VSTM4: variants seen among roughly 807,000 people sequenced by gnomAD.
VSTM4 encodes the protein V-set and transmembrane domain containing 4.
A neutral mutation model predicts 36.4 loss-of-function variants in VSTM4; 20 were observed. The observed-to-expected ratio is 0.55, with a 90% confidence interval of 0.39 to 0.80. VSTM4 has a LOEUF of 0.80. VSTM4 is among the 30% of genes least tolerant of loss of function. The pLI is 0.00. For synonymous variants in VSTM4, 182 were observed against 173.9 expected (o/e 1.05, Z -0.37); for missense variants, 392 against 404.5 (o/e 0.97, Z 0.26).
chr10:49,056,446 C>T (rs994274889), intron 5 of VSTM4, among the ~76,000 whole-genome samples: 1 of 152,232 alleles, frequency 6.6e-6, no homozygotes, highest in Non-Finnish European at 1.5e-5. Flanking sequence ...TGGGAGACCC[C>T]ACTCCCTGTT....
Position 49,085,938 on chromosome 10 carries a change from A to T in VSTM4, c.526+17T>A. On this transcript the variant is annotated intron_variant, in intron 3 of 7. Coordinates refer to ENST00000332853, the MANE Select transcript of VSTM4 (RefSeq NM_001031746.5). Reference sequence around the variant, plus strand: ...GCAACTATAGAGCAATAAAAAAAAGAAATATACAAGCTTTACCTTCAAAAA... The same window carrying T: ...GCAACTATAGAGCAATAAAAAAAAGTAATATACAAGCTTTACCTTCAAAAA... The T allele has an allele frequency of 6.6e-7, 1 of 1,522,870 alleles. No homozygotes were observed. Among genetic ancestry groups the T allele is most frequent in the South Asian group, 1.2e-5 (1 of 81,288 alleles). 94.3% of individuals were successfully genotyped at this position (1,522,870 alleles called of 1,614,324 possible).
intron 4 of VSTM4, among the ~76,000 whole-genome samples, chr10:49,067,389 G>A (rs866865265): frequency 1.3e-5 from 2 of 152,200 alleles, no homozygotes; most frequent in South Asian, 2.1e-4. Context: ...GTGATGTTAC[G>A]GGCTGAATTA....
At chr10:49,035,667 C>T (rs1335570441) in intron 7 of VSTM4, among the ~76,000 whole-genome samples, 1 of 5,840 alleles carries the variant, frequency 1.7e-4, no homozygotes. Flanking sequence ...ATCCCAGCTC[C>T]ACAAAAAAAA....
chr10:49,090,777 C>G (rs1844459380), intron 2 of VSTM4, among the ~76,000 whole-genome samples: 1 of 152,220 alleles, frequency 6.6e-6, no homozygotes. Context: ...CAGCAAATAG[C>G]TGGCATGGGG....
chr10:49,088,888 C>T (rs1365802056), intron 2 of VSTM4, among the ~76,000 whole-genome samples: 1 of 152,162 alleles, frequency 6.6e-6, no homozygotes, highest in Admixed American at 6.5e-5. Flanking sequence ...TGGTGTGGAC[C>T]CTTACCACCC....
At chr10:49,035,712 C>G (rs1182120630) in intron 7 of VSTM4, among the ~76,000 whole-genome samples, 2 of 147,728 alleles carry the variant, frequency 1.4e-5, no homozygotes, top group African/African-American at 5.0e-5. Context: ...GTGGCACATG[C>G]CTGTGGTACC....
At chr10:49,111,297 T>C (rs928122819) in intron 1 of VSTM4, among the ~76,000 whole-genome samples, 20 of 152,096 alleles carry the variant, frequency 1.3e-4, no homozygotes, top group Admixed American at 4.6e-4. Flanking sequence ...ATCAGGACCA[T>C]AGGGCTCAGC....
intron 7 of VSTM4, among the ~76,000 whole-genome samples, chr10:49,029,681 C>T (rs1002355696): frequency 6.6e-6 from 1 of 152,180 alleles, no homozygotes; most frequent in Non-Finnish European, 1.5e-5. Context: ...GGGATGCCAA[C>T]AGGGAAAATA....
chr10:49,023,211 T>C (rs1239195449), intron 7 of VSTM4, among the ~76,000 whole-genome samples: 1 of 152,224 alleles, frequency 6.6e-6, no homozygotes, highest in African/African-American at 2.4e-5. Context: ...GTGAAGTGTA[T>C]AGTTTCCAAG....
chr10:49,063,466 G>GT (rs368417281), intron 5 of VSTM4, among the ~76,000 whole-genome samples: 27 of 152,190 alleles, frequency 1.8e-4, no homozygotes, highest in African/African-American at 6.5e-4. Context: ...ATGATGGGTG[G>GT]TTTTTTTATA....
chr10:49,071,048 T>C (rs1808102194), intron 4 of VSTM4, among the ~76,000 whole-genome samples: 1 of 152,164 alleles, frequency 6.6e-6, no homozygotes, highest in South Asian at 2.1e-4. Flanking sequence ...TTCATCCTCA[T>C]GGAGAAGCAG....
chr10:49,076,809 G>A (rs973899965), intron 4 of VSTM4, among the ~76,000 whole-genome samples: 2 of 152,182 alleles, frequency 1.3e-5, no homozygotes, highest in African/African-American at 2.4e-5. Flanking sequence ...GCCAGTGAAC[G>A]CTCATAAGAA....
Position 49,019,467 on chromosome 10 carries a change from C to T in VSTM4, c.*183G>A, listed in dbSNP as rs1843147626. ...CCGGGAGATCTGTCAAGAGCTGTGGCCCCGATTCTTTTGGGGAGAGCAGGC... is the reference window on the plus strand; with the variant it reads ...CCGGGAGATCTGTCAAGAGCTGTGGTCCCGATTCTTTTGGGGAGAGCAGGC... On this transcript the variant is annotated 3_prime_UTR_variant, in exon 8 of 8. Coordinates refer to ENST00000332853, the MANE Select transcript of VSTM4 (RefSeq NM_001031746.5). The T allele has an allele frequency of 4.3e-6, 3 of 694,052 alleles. No individual in the cohort carries two copies. The highest frequency in any genetic ancestry group is 6.2e-6 in the Non-Finnish European group (3 of 486,018). The allele number at this position is 694,052 out of a possible 1,614,324, so 43.0% of individuals were successfully genotyped here.
In VSTM4 at chr10:49,017,673, C is replaced by G. The variant is rs1352730081; in HGVS notation, c.*1977G>C. 1 of 152,150 alleles carries G rather than the reference C, an allele frequency of 6.6e-6. No homozygotes were observed. The highest frequency in any genetic ancestry group is 1.5e-5 in the Non-Finnish European group (1 of 68,048). 9.4% of individuals were successfully genotyped at this position (152,150 alleles called of 1,614,324 possible). A position where few individuals can be genotyped will look rare whatever the true frequency, so the allele number is the denominator to read the frequency against. On this transcript the variant is annotated 3_prime_UTR_variant, in exon 8 of 8. Transcript: ENST00000332853. ...GGCCTGGGAAGATATTACCCCCTGG[C>G]CTGTTGCCCTCTTCCCGCCATTTCC...
chr10:49,094,536 A>G lies in VSTM4; in HGVS notation c.458-8513T>C, dbSNP rs150511490. ...CCAGGTCCCTCAGGCAGCATCTTAC[A>G]CAGGTTTTAATAGGAGAGGAAAATG... On this transcript the variant is annotated intron_variant, in intron 2 of 7. Coordinates refer to ENST00000332853, the MANE Select transcript of VSTM4 (RefSeq NM_001031746.5). Among the ~76,000 whole-genome samples, 322 of 152,318 alleles carry G rather than the reference A, an allele frequency of 2.1e-3. 3 individuals carry two copies. The highest frequency in any genetic ancestry group is 7.2e-3 in the African/African-American group (298 of 41,566).
At chr10:49,027,331 C>A (rs957672609) in intron 7 of VSTM4, among the ~76,000 whole-genome samples, 3 of 152,182 alleles carry the variant, frequency 2.0e-5, no homozygotes, top group South Asian at 2.1e-4. Flanking sequence ...GTGTGCCAGG[C>A]CCCCCACGCT....
intron 5 of VSTM4, among the ~76,000 whole-genome samples, chr10:49,057,653 C>T (rs1479098203): frequency 6.6e-6 from 1 of 152,174 alleles, no homozygotes; most frequent in Admixed American, 6.5e-5. Flanking sequence ...GGACACTGGG[C>T]CTGAGTGCTT....
intron 5 of VSTM4, among the ~76,000 whole-genome samples, chr10:49,060,788 G>T (rs1468574271): frequency 6.6e-6 from 1 of 152,096 alleles, no homozygotes; most frequent in Non-Finnish European, 1.5e-5. Context: ...TAGAAATGTT[G>T]TAATTTTAGC....
chr10:49,043,249 T>G (rs755099217), intron 7 of VSTM4, among the ~76,000 whole-genome samples: 1 of 152,194 alleles, frequency 6.6e-6, no homozygotes, highest in Non-Finnish European at 1.5e-5. Context: ...ATAAAAATAA[T>G]AGAAAATATT....
Sources: allele counts gnomAD v4.1 joint callset (sites outside exome capture counted in the v4.1 genomes callset), GRCh38; gene constraint gnomAD v4.1.1; transcripts MANE v1.5; gene names NCBI Gene and HGNC (gene_info 2026-07-23, HGNC 2026-07-21).